TBC1D19: variants seen among roughly 807,000 people sequenced by gnomAD.
The protein encoded by TBC1D19 is TBC1 domain family member 19, also known as TBC1 domain family, member 19.
Under a neutral mutation model 89.0 loss-of-function variants are expected in TBC1D19, and 60 were observed. That is an observed-to-expected ratio of 0.67 (90% CI 0.55 to 0.84). TBC1D19 has a LOEUF of 0.84. Among genes scored for constraint, TBC1D19 ranks in the 40% least tolerant of loss-of-function variants. The pLI, the probability that TBC1D19 is intolerant of heterozygous loss-of-function variation, is 0.00. For synonymous variants in TBC1D19, 189 were observed against 199.7 expected (o/e 0.95, Z 0.45); for missense variants, 500 against 610.8 (o/e 0.82, Z 1.91).
At chr4:26,766,045 G>T in the TBC1D19 span, among the ~76,000 whole-genome samples, 1 of 152,172 alleles carries the variant, frequency 6.6e-6, no homozygotes, top group Non-Finnish European at 1.5e-5. Context: ...GGGAGGTGGG[G>T]AGAGTGTTTG....
At chr4:26,834,213 A>G in the TBC1D19 span, among the ~76,000 whole-genome samples, 3 of 152,186 alleles carry the variant, frequency 2.0e-5, no homozygotes, top group Non-Finnish European at 4.4e-5. Flanking sequence ...CTGCAGAACC[A>G]TGAGCCAATT....
chr4:26,779,630 T>G, the TBC1D19 span, among the ~76,000 whole-genome samples: 1 of 152,194 alleles, frequency 6.6e-6, no homozygotes, highest in Non-Finnish European at 1.5e-5. Flanking sequence ...AAGTCAAAAC[T>G]GCAAAATCTC....
chr4:26,827,091 C>T, the TBC1D19 span, among the ~76,000 whole-genome samples: 1 of 152,208 alleles, frequency 6.6e-6, no homozygotes, highest in Non-Finnish European at 1.5e-5. Flanking sequence ...ACCATGATAG[C>T]TTGGCCTTGC....
chr4:26,789,743 T>A, the TBC1D19 span, among the ~76,000 whole-genome samples: 1 of 152,144 alleles, frequency 6.6e-6, no homozygotes, highest in African/African-American at 2.4e-5. Context: ...ACCAAAAAAA[T>A]TTGTTTATCA....
chr4:26,810,779 T>C, the TBC1D19 span, among the ~76,000 whole-genome samples: 2 of 152,174 alleles, frequency 1.3e-5, no homozygotes, highest in Non-Finnish European at 2.9e-5. Context: ...TGCTGCCTAT[T>C]TTCTCCCACT....
At chr4:26,795,704 G>T in the TBC1D19 span, among the ~76,000 whole-genome samples, 1 of 152,142 alleles carries the variant, frequency 6.6e-6, no homozygotes, top group African/African-American at 2.4e-5. Context: ...AGTTTGATGT[G>T]ATTACTCTTC....
rs1291206697 is a variant in TBC1D19, at chr4:26,673,782, C to G, written c.710C>G (p.Ala237Gly). 6.2e-7 allele frequency: 1 copy of G among 1,606,264 alleles called. No individual in the cohort carries two copies. Reference sequence around the variant, plus strand: ...TTTCATATACTTTTGATAGTTCTAGCAGAACAAGATAGTGCTGCTGCTCAA... The same window carrying G: ...TTTCATATACTTTTGATAGTTCTAGGAGAACAAGATAGTGCTGCTGCTCAA... Reference protein sequence around the residue: ...EHVRIGQKVLAEQDSAAAQQY... With the variant: ...EHVRIGQKVLGEQDSAAAQQY... The change falls in exon 11 of 21, where the codon GCA becomes GGA. Residue 237 changes from alanine (A) to glycine (G), a missense_variant. This residue lies in a region of TBC1D19 where 280 missense variants were observed against 291.7 expected (regional missense o/e 0.96). Transcript: ENST00000264866.
At chr4:26,628,986 T>G (rs1048487576) in intron 4 of TBC1D19, among the ~76,000 whole-genome samples, 2 of 152,232 alleles carry the variant, frequency 1.3e-5, no homozygotes, top group South Asian at 4.1e-4. Flanking sequence ...TTATTATGGC[T>G]TACAAAGCTA....
chr4:26,654,403 G>C (rs549381367), intron 7 of TBC1D19, among the ~76,000 whole-genome samples: 1 of 152,220 alleles, frequency 6.6e-6, no homozygotes, highest in Non-Finnish European at 1.5e-5. Context: ...TGTATTTCCT[G>C]CATTTGAATG....
intron 15 of TBC1D19, among the ~76,000 whole-genome samples, chr4:26,732,286 C>G (rs1051006890): frequency 6.6e-6 from 1 of 152,130 alleles, no homozygotes; most frequent in African/African-American, 2.4e-5. Context: ...CTAGGGCTTC[C>G]AGGTCACCCT....
chr4:26,649,546 C>A (rs1744188647), intron 7 of TBC1D19, among the ~76,000 whole-genome samples: 1 of 152,144 alleles, frequency 6.6e-6, no homozygotes, highest in African/African-American at 2.4e-5. Context: ...CCCTAGGCAA[C>A]CACTAATCTA....
At chr4:26,598,558 C>G in intron 1 of TBC1D19, among the ~76,000 whole-genome samples, 1 of 152,146 alleles carries the variant, frequency 6.6e-6, no homozygotes, top group South Asian at 2.1e-4. Flanking sequence ...CCACGCCCAG[C>G]TAATTTTTTG....
intron 18 of TBC1D19, among the ~76,000 whole-genome samples, chr4:26,747,032 A>G (rs934549791): frequency 6.6e-6 from 1 of 152,220 alleles, no homozygotes; most frequent in African/African-American, 2.4e-5. Flanking sequence ...ACAGCACACA[A>G]TTTAAAAGTT....
downstream of TBC1D19, among the ~76,000 whole-genome samples, chr4:26,760,376 A>G (rs372548984): frequency 1.3e-5 from 2 of 152,284 alleles, no homozygotes; most frequent in South Asian, 2.1e-4. Context: ...CAGCTTGGGC[A>G]ACATGGTAAA....
intron 16 of TBC1D19, among the ~76,000 whole-genome samples, chr4:26,738,262 C>G (rs1718157331): frequency 1.3e-5 from 2 of 151,432 alleles, no homozygotes; most frequent in South Asian, 4.2e-4. Context: ...TTAAAATTCT[C>G]TTTTCATTTC....
At chr4:26,579,171 T>A (rs1026858885), upstream of TBC1D19, among the ~76,000 whole-genome samples, 19 of 152,218 alleles carry the variant, frequency 1.2e-4, no homozygotes, top group Admixed American at 1.0e-3. Context: ...TGTCTAACTC[T>A]TAAGTAGTCT....
At chr4:26,609,417 T>C (rs959767109) in intron 1 of TBC1D19, among the ~76,000 whole-genome samples, 1 of 152,138 alleles carries the variant, frequency 6.6e-6, no homozygotes, top group African/African-American at 2.4e-5. Flanking sequence ...TGTTCTATCC[T>C]TGCTGCCTGG....
intron 15 of TBC1D19, among the ~76,000 whole-genome samples, chr4:26,721,648 C>G (rs936310048): frequency 2.0e-5 from 3 of 152,068 alleles, no homozygotes; most frequent in African/African-American, 7.2e-5. Context: ...TTCTTAATGG[C>G]TTCCCATCTC....
chr4:26,841,255 C>T, the TBC1D19 span, among the ~76,000 whole-genome samples: 6 of 152,154 alleles, frequency 3.9e-5, no homozygotes, highest in East Asian at 5.8e-4. Flanking sequence ...GGCATGGTGG[C>T]GTGTGCCTGT....
Sources: allele counts gnomAD v4.1 joint callset (sites outside exome capture counted in the v4.1 genomes callset), GRCh38; gene constraint gnomAD v4.1.1; regional missense constraint gnomAD v4.1.1; transcripts MANE v1.5; gene names NCBI Gene and HGNC (gene_info 2026-07-23, HGNC 2026-07-21).